The following TPRG1 variants were observed in gnomAD, a reference collection of about 807,000 sequenced individuals.
TPRG1 encodes the protein tumor protein p63-regulated gene 1 protein.
Under a neutral mutation model 29.3 loss-of-function variants are expected in TPRG1, and 29 were observed. That is an observed-to-expected ratio of 0.99 (90% CI 0.74 to 1.35). The LOEUF is 1.35. TPRG1 is among the 40% of genes most tolerant of loss of function. TPRG1 has a pLI of 0.00. For synonymous variants in TPRG1, 130 were observed against 116.8 expected (o/e 1.11, Z -0.73); for missense variants, 327 against 335.0 (o/e 0.98, Z 0.19).
chr3:189,314,253 A>G (rs1723140106), intron 5 of TPRG1, among the ~76,000 whole-genome samples: 1 of 152,094 alleles, frequency 6.6e-6, no homozygotes, highest in South Asian at 2.1e-4. Context: ...GGCAGTTAGA[A>G]ATTTAGGTCT....
intron 1 of TPRG1, among the ~76,000 whole-genome samples, chr3:189,125,719 C>T (rs935062940): frequency 2.0e-5 from 3 of 151,904 alleles, no homozygotes; most frequent in African/African-American, 7.3e-5. Flanking sequence ...TCAGAAAAGA[C>T]CATCCTCCTC....
At chr3:189,310,279 T>A in intron 4 of TPRG1, 107 bp from the exon 5 acceptor site, 3 of 952,784 alleles carry the variant, frequency 3.1e-6, no homozygotes, top group South Asian at 5.3e-5. Context: ...TTTTGAACAG[T>A]TTAACTAGTT....
chr3:189,089,599 T>G (rs1718202806), intron 4 of TPRG1, among the ~76,000 whole-genome samples: 1 of 152,160 alleles, frequency 6.6e-6, no homozygotes, highest in Non-Finnish European at 1.5e-5. Flanking sequence ...TGGTGGGGAC[T>G]CTGCAGAGTC....
intron 4 of TPRG1, among the ~76,000 whole-genome samples, chr3:189,272,620 T>C (rs1029313178): frequency 6.6e-6 from 1 of 151,910 alleles, no homozygotes; most frequent in Admixed American, 6.6e-5. Flanking sequence ...TTCTCTTCTT[T>C]CTTTCTTTAT....
At chr3:189,207,020 G>T (rs542640017) in intron 1 of TPRG1, 10 of 203,660 alleles carry the variant, frequency 4.9e-5, no homozygotes, top group Non-Finnish European at 6.1e-5. Context: ...AAATAAGCTT[G>T]CAGTCTGGTG....
At chr3:189,142,807 G>T (rs1474138918) in intron 3 of TPRG1, among the ~76,000 whole-genome samples, 3 of 152,208 alleles carry the variant, frequency 2.0e-5, no homozygotes, top group Admixed American at 1.3e-4. Context: ...TTAGCCCAGT[G>T]CTCAGGCTCA....
chr3:189,131,155 C>T (rs748531766), intron 2 of TPRG1, among the ~76,000 whole-genome samples: 34 of 152,040 alleles, frequency 2.2e-4, no homozygotes, highest in Non-Finnish European at 1.9e-4. Flanking sequence ...ATCGGAGCAG[C>T]GATTATGTAG....
chr3:189,141,838 T>C (rs1306104662), intron 3 of TPRG1, among the ~76,000 whole-genome samples: 2 of 152,192 alleles, frequency 1.3e-5, no homozygotes, highest in Non-Finnish European at 2.9e-5. Context: ...ACAAGTGTAA[T>C]GAAGGAAGAG....
intron 4 of TPRG1, among the ~76,000 whole-genome samples, chr3:189,024,588 C>A (rs1713556019): frequency 6.6e-6 from 1 of 152,102 alleles, no homozygotes. Flanking sequence ...TCTTCCTTGT[C>A]CAGACGGTTT....
In TPRG1 at chr3:189,073,330, C is replaced by A. The variant is rs1440389451; in HGVS notation, c.-463+49384C>A. Among the ~76,000 whole-genome samples, 3 of 152,268 alleles carry A rather than the reference C, an allele frequency of 2.0e-5. No individual in the cohort carries two copies. In the East Asian group the frequency reaches 5.8e-4, roughly 29 times the overall value. ...ATATCTGTATATTTGCTCTTTTGTT[C>A]GGTCCTGTTAACACAGACACATACA... is the stretch of plus-strand genomic sequence containing the variant. On this transcript the variant is annotated intron_variant, in intron 4 of 10. Coordinates refer to the TPRG1 transcript ENST00000433971.
chr3:189,275,560 G>T (rs1454451475), intron 4 of TPRG1, among the ~76,000 whole-genome samples: 1 of 152,148 alleles, frequency 6.6e-6, no homozygotes, highest in Admixed American at 6.6e-5. Context: ...CAGGGAGAAG[G>T]TATAGCAAGA....
In TPRG1 at chr3:189,322,574, A is replaced by G. The variant is rs1724412635; in HGVS notation, c.*1754A>G. The G allele has an allele frequency of 6.6e-6, 1 of 152,578 alleles. No individual in the cohort carries two copies. Among genetic ancestry groups the G allele is most frequent in the African/African-American group, 2.4e-5 (1 of 41,446 alleles). The allele number at this position is 152,578 out of a possible 1,614,324, so 9.5% of individuals were successfully genotyped here. A position where few individuals can be genotyped will look rare whatever the true frequency, so the allele number is the denominator to read the frequency against. On this transcript the variant is annotated 3_prime_UTR_variant, in exon 6 of 6. Transcript: ENST00000345063. ...TTTTGGCACTGGTTCTGAAGCAGGC[A>G]TAATTGGCAAATTATTATAATACTG... is the stretch of plus-strand genomic sequence containing the variant.
intron 4 of TPRG1, among the ~76,000 whole-genome samples, chr3:189,272,982 T>C (rs1466073874): frequency 3.9e-5 from 6 of 152,166 alleles, no homozygotes; most frequent in Non-Finnish European, 8.8e-5. Context: ...GCATTTTCTC[T>C]CCAGTGATCC....
intron 3 of TPRG1, among the ~76,000 whole-genome samples, chr3:189,218,564 T>C (rs1736454163): frequency 6.6e-6 from 1 of 152,220 alleles, no homozygotes; most frequent in South Asian, 2.1e-4. Flanking sequence ...GGATTCCCAT[T>C]TCAGAATGAT....
chr3:189,005,200 GT>G (rs1409309516), intron 3 of TPRG1, among the ~76,000 whole-genome samples: 1 of 152,096 alleles, frequency 6.6e-6, no homozygotes, highest in African/African-American at 2.4e-5. Flanking sequence ...TAATTTAGAA[GT>G]TTACATCTGT....
In TPRG1 at chr3:189,070,743, T is replaced by C. The variant is rs192339016; in HGVS notation, c.-463+46797T>C. On this transcript the variant is annotated intron_variant, in intron 4 of 10. Coordinates refer to the TPRG1 transcript ENST00000433971. ...CTGAGCATCTAGGTATTCCAGAATCTTACATTATTGAAAAGGAGATATTCC... is the reference window on the plus strand; with the variant it reads ...CTGAGCATCTAGGTATTCCAGAATCCTACATTATTGAAAAGGAGATATTCC... Among the ~76,000 whole-genome samples the C allele has an allele frequency of 1.1e-4, 17 of 152,248 alleles. 1 individual carries two copies. In the East Asian group the frequency reaches 3.3e-3, roughly 29 times the overall value.
chr3:189,088,104 T>C (rs1387003824), intron 4 of TPRG1, among the ~76,000 whole-genome samples: 2 of 152,214 alleles, frequency 1.3e-5, no homozygotes, highest in African/African-American at 4.8e-5. Flanking sequence ...AGTATGGCCA[T>C]TTTCATGATA....
intron 3 of TPRG1, among the ~76,000 whole-genome samples, chr3:189,145,448 G>A (rs1353112863): frequency 4.0e-5 from 6 of 151,866 alleles, no homozygotes; most frequent in African/African-American, 1.5e-4. Context: ...AGGAGAAAGA[G>A]TTCTGGCATT....
intron 4 of TPRG1, among the ~76,000 whole-genome samples, chr3:189,285,412 C>A (rs1717889512): frequency 6.6e-6 from 1 of 151,934 alleles, no homozygotes; most frequent in African/African-American, 2.4e-5. Flanking sequence ...ATGGAAGGGC[C>A]CTTTGAGGAC....
Sources: allele counts gnomAD v4.1 joint callset (sites outside exome capture counted in the v4.1 genomes callset), GRCh38; gene constraint gnomAD v4.1.1; transcripts MANE v1.5; gene names NCBI Gene and HGNC (gene_info 2026-07-23, HGNC 2026-07-21).